The following MYH8 variants were observed in gnomAD, a reference collection of about 807,000 sequenced individuals.
MYH8 encodes the protein myosin heavy chain 8, also known as myosin-8.
Under a neutral mutation model 233.2 loss-of-function variants are expected in MYH8, and 168 were observed. The observed-to-expected ratio is 0.72, with a 90% confidence interval of 0.64 to 0.82. MYH8 has a LOEUF of 0.82. Ranked by LOEUF, MYH8 falls within the 40% of genes least tolerant of loss-of-function variation. MYH8 has a pLI of 0.00. For synonymous variants in MYH8, 785 were observed against 850.6 expected, an observed-to-expected ratio of 0.92 and a Z score of 1.34; for missense variants, 1,995 against 2,327.8, an observed-to-expected ratio of 0.86 and a Z score of 2.94.
chr17:10,407,102 G>A, intron 17 of MYH8, 123 bp from the exon 18 acceptor site: 1 of 784,250 alleles, frequency 1.3e-6, no homozygotes, highest in African/African-American at 1.7e-5. Context: ...GGCTTCAATT[G>A]CTCTGTATTT....
rs765417165 is a variant in MYH8 at position 10,399,591 on chromosome 17, G to A, written c.3814C>T (p.Leu1272=). 13 of 1,614,062 alleles carry A rather than the reference G, an allele frequency of 8.1e-6. No individual in the cohort carries two copies. The South Asian group carries it at 1.4e-4, about 18-fold the overall frequency. Residue 1272 remains leucine (L), a synonymous_variant, in exon 28 of 40, where the codon CTG becomes TTG. Transcript: ENST00000403437. ...CTCTGTGCTGTGAGGTCATTGATCA[G>A]CCGCTGCTGCTCCTCTTCCTTGGTC... The part of the protein sequence containing the change: ...LKTKEEEQQR[L]INDLTAQRAR...
At position 10,398,805 on chromosome 17, in the gene MYH8, ATCTGCTGAGTAG is replaced by A; in HGVS notation, c.3932_3943del (p.Ser1311_Ile1315delinsPhe). ...CTCTAGTTGATGTTTCAGCTCTTCAATCTGCTGAGTAGATGCTTGCTTGCTCCTTGAAAGCTG... is the reference window on the plus strand; with the variant it reads ...CTCTAGTTGATGTTTCAGCTCTTCAAATGCTTGCTTGCTCCTTGAAAGCTG... On this transcript the variant is annotated inframe_deletion, in exon 29 of 40. Coordinates refer to ENST00000403437, the MANE Select transcript of MYH8 (RefSeq NM_002472.3). 6.2e-7 allele frequency: 1 copy of A among 1,614,092 alleles called. No homozygotes were observed. The highest frequency in any genetic ancestry group is 8.5e-7 in the Non-Finnish European group (1 of 1,180,026).
At chr17:10,410,472 T>C (rs1397475989) in intron 15 of MYH8, among the ~76,000 whole-genome samples, 2 of 152,280 alleles carry the variant, frequency 1.3e-5, no homozygotes, top group African/African-American at 4.8e-5. Flanking sequence ...ATAATGGAGA[T>C]AGATCAAGAA....
In MYH8 at chr17:10,406,875, C is replaced by A. The variant is rs1221950308; in HGVS notation, c.2053+17G>T. The A allele has an allele frequency of 6.2e-7, 1 of 1,613,494 alleles. No individual in the cohort carries two copies. Among genetic ancestry groups the A allele is most frequent in the Admixed American group, 1.7e-5 (1 of 60,016 alleles). ...CAAACCTGTGCCCGTTTGATTATTTCACTCTCTGTGTCTTACCAGGAGTTT... is the reference window on the plus strand; with the variant it reads ...CAAACCTGTGCCCGTTTGATTATTTAACTCTCTGTGTCTTACCAGGAGTTT... On this transcript the variant is annotated intron_variant, in intron 18 of 39. Transcript: ENST00000403437.
Position 10,401,415 on chromosome 17 carries a change from C to T in MYH8, c.2968G>A (p.Glu990Lys). The T allele has an allele frequency of 6.2e-7, 1 of 1,614,002 alleles. No homozygotes were observed. Among genetic ancestry groups the T allele is most frequent in the East Asian group, 2.2e-5 (1 of 44,868 alleles). Residue 990 changes from glutamate to lysine, a missense_variant, in exon 24 of 40, where the codon GAA becomes AAA. Glu to Lys is a moderately conservative substitution (Grantham distance 56). This residue lies in a region of MYH8 where 1,498 missense variants were observed against 1,680.9 expected (regional missense o/e 0.89). Coordinates refer to ENST00000403437, the MANE Select transcript of MYH8 (RefSeq NM_002472.3). ...NLTEEMAGLD[E>K]TIAKLSKEKK... ...TCCTTGGACAGTTTTGCAATGGTTT[C>T]ATCCAGGCCTGCCATCTCTTCTGTA...
intron 22 of MYH8, among the ~76,000 whole-genome samples, chr17:10,403,003 T>G (rs752465864): frequency 2.0e-5 from 3 of 152,196 alleles, no homozygotes; most frequent in Non-Finnish European, 4.4e-5. Context: ...CTTTCTGCTT[T>G]TGTGTTTTTG....
At position 10,401,041 on chromosome 17, in the gene MYH8, C is replaced by A; in HGVS notation, c.3254+5G>T. 1 of 1,614,072 alleles carries A rather than the reference C, an allele frequency of 6.2e-7. No individual in the cohort carries two copies. The highest frequency in any genetic ancestry group is 8.5e-7 in the Non-Finnish European group (1 of 1,180,008). ...CATAGAAGTTTTTTTCTAAAAGGCT[C>A]CTACTTTTCAAGCTTTTCATCAAGT... On this transcript the variant is annotated splice_donor_5th_base_variant and intron_variant, in intron 25 of 39. Transcript: ENST00000403437.
intron 30 of MYH8, 91 bp downstream of exon 30, chr17:10,398,352 TA>T (rs775171543): frequency 5.0e-5 from 80 of 1,589,778 alleles, no homozygotes; most frequent in Non-Finnish European, 6.5e-5. Flanking sequence ...ATGCACTCAA[TA>T]AATGTTAGCT....
intron 39 of MYH8, 64 bp from the exon 40 acceptor site, chr17:10,390,667 C>A: frequency 6.4e-7 from 1 of 1,557,852 alleles, no homozygotes; most frequent in South Asian, 1.1e-5. Context: ...TATCACCAGA[C>A]AGGATTAGTT....
rs1597399060 is a variant in MYH8 at position 10,400,256 on chromosome 17, A to G, written c.3735+134T>C. On this transcript the variant is annotated intron_variant, in intron 27 of 39. Coordinates refer to ENST00000403437, the MANE Select transcript of MYH8 (RefSeq NM_002472.3). The surrounding 1 kb of genome is among the most constrained non-coding windows in gnomAD (Gnocchi z 4.0). ...GATCATAACCAGCATTTTAAAAAAT[A>G]CCATAGAATGGGATATATTTGGTTA... 3.3e-6 allele frequency: 4 copies of G among 1,223,570 alleles called. No homozygotes were observed. The South Asian group carries it at 4.9e-5, about 15-fold the overall frequency. 75.8% of individuals were successfully genotyped at this position (1,223,570 alleles called of 1,614,324 possible).
At position 10,400,421 on chromosome 17, in the gene MYH8, C is replaced by G. The variant is rs2072126366; in HGVS notation, c.3704G>C (p.Ser1235Thr). ...SELKMETDDL[S>T]SNAEAISKAK... ...TTTGGAAATGGCCTCTGCGTTACTG[C>G]TGAGGTCATCAGTCTCCATCTTCAG... The change falls in exon 27 of 40, where the codon AGC (serine) becomes ACC (threonine). Residue 1235 changes from serine to threonine, a missense_variant. By Grantham distance (58) the Ser-to-Thr change is moderately conservative. This residue lies in a region of MYH8 where 1,498 missense variants were observed against 1,680.9 expected (regional missense o/e 0.89). Transcript: ENST00000403437. The surrounding 1 kb of genome is among the most constrained non-coding windows in gnomAD (Gnocchi z 4.0). 6.2e-7 allele frequency: 1 copy of G among 1,613,746 alleles called. No homozygotes were observed. Among genetic ancestry groups the G allele is most frequent in the South Asian group, 1.1e-5 (1 of 91,070 alleles).
rs753064861 is a variant in MYH8, at chr17:10,391,939, G to A, written c.5607C>T (p.Asp1869=). 2 of 1,614,056 alleles carry A rather than the reference G, an allele frequency of 1.2e-6. No individual in the cohort carries two copies. Among genetic ancestry groups the A allele is most frequent in the Admixed American group, 3.3e-5 (2 of 60,022 alleles). ...EDRKNVLRLQ[D]LVDKLQAKVK... Reference sequence around the variant, plus strand: ...CCTTCGCCTGTAATTTATCTACCAAGTCCTGCAGCCTGAGAACATTCTTGC... The same window carrying A: ...CCTTCGCCTGTAATTTATCTACCAAATCCTGCAGCCTGAGAACATTCTTGC... Residue 1869 remains aspartate, a synonymous_variant, in exon 39 of 40, where the codon GAC becomes GAT. Transcript: ENST00000403437.
Position 10,415,051 on chromosome 17 carries a change from A to T in MYH8, c.805+65T>A. The T allele has an allele frequency of 1.3e-6, 2 of 1,510,564 alleles. No homozygotes were observed. The highest frequency in any genetic ancestry group is 1.8e-6 in the Non-Finnish European group (2 of 1,086,046). 93.6% of individuals were successfully genotyped at this position (1,510,564 alleles called of 1,614,324 possible). A position where few individuals can be genotyped will look rare whatever the true frequency, so the allele number is the denominator to read the frequency against. On this transcript the variant is annotated intron_variant, in intron 9 of 39. Transcript: ENST00000403437. The surrounding 1 kb of genome is among the most constrained non-coding windows in gnomAD (Gnocchi z 4.1). ...AGGCTTCATGCACAGCAAGGGTGGC[A>T]AAATATCCCTGCAAATGAAATCACT...
chr17:10,405,538 T>C (rs2072185219), intron 21 of MYH8, among the ~76,000 whole-genome samples: 2 of 152,050 alleles, frequency 1.3e-5, no homozygotes, highest in Admixed American at 1.3e-4. Flanking sequence ...GAATGCACAG[T>C]GTGTGTGTAA....
At chr17:10,407,907 G>T (rs1205526846) in intron 17 of MYH8, among the ~76,000 whole-genome samples, 1 of 151,214 alleles carries the variant, frequency 6.6e-6, no homozygotes, top group East Asian at 1.9e-4. Context: ...GGTGGGTGTT[G>T]GGTACCTGAG....
rs763673000 is a variant in MYH8, at chr17:10,398,424, CTA to C, written c.4178+18_4178+19del. On this transcript the variant is annotated intron_variant, in intron 30 of 39. Coordinates refer to ENST00000403437, the MANE Select transcript of MYH8 (RefSeq NM_002472.3). ...ACAGCTGCTTCTGGGAGTTCCTCTT[CTA>C]GAGTTCACAGCACATACTTGGCCTC... 48 of 1,613,848 alleles carry C rather than the reference CTA, an allele frequency of 3.0e-5. No individual in the cohort carries two copies. Among genetic ancestry groups the C allele is most frequent in the Non-Finnish European group, 3.9e-5 (46 of 1,179,880 alleles).
chr17:10,407,568 T>G (rs1403852905), intron 17 of MYH8, among the ~76,000 whole-genome samples: 2 of 152,064 alleles, frequency 1.3e-5, no homozygotes, highest in Non-Finnish European at 2.9e-5. Context: ...TGGCCAGGCA[T>G]GGTGGCTCAC....
intron 22 of MYH8, 79 bp from the exon 23 acceptor site, chr17:10,401,864 G>C: frequency 6.4e-7 from 1 of 1,561,214 alleles, no homozygotes; most frequent in Non-Finnish European, 8.8e-7. Flanking sequence ...AAAAATAATA[G>C]TGTTTTATTG....
rs557729639 is a variant in MYH8, at chr17:10,396,591, T to C, written c.4490A>G (p.Gln1497Arg). ...VKNVYEESLDQLETLRRENKN... is the reference protein window; with the variant it reads ...VKNVYEESLDRLETLRRENKN... The stretch of plus-strand genomic sequence containing the variant: ...ATTTTCTCTTCTTAGCGTTTCGAGT[T>C]GATCCAGGGATTCCTCATAGACATT... The change falls in exon 32 of 40, where the codon CAA becomes CGA. Residue 1497 changes from glutamine to arginine, a missense_variant. Transcript: ENST00000403437. This position sits in a 1 kb window ranked among gnomAD's most constrained non-coding sequence, Gnocchi z 4.2. 6.2e-7 allele frequency: 1 copy of C among 1,614,200 alleles called. No individual in the cohort carries two copies. The highest frequency in any genetic ancestry group is 1.1e-5 in the South Asian group (1 of 91,080).
Sources: allele counts gnomAD v4.1 joint callset (sites outside exome capture counted in the v4.1 genomes callset), GRCh38; gene constraint gnomAD v4.1.1; regional missense constraint gnomAD v4.1.1; non-coding constraint Gnocchi (gnomAD v3.1); transcripts MANE v1.5; gene names NCBI Gene and HGNC (gene_info 2026-07-23, HGNC 2026-07-21).